ANKS1B: variants seen among roughly 807,000 people sequenced by gnomAD.
ANKS1B encodes ankyrin repeat and sterile alpha motif domain containing 1B, also known as ankyrin repeat and sterile alpha motif domain-containing protein 1B.
ANKS1B carries 36 observed loss-of-function variants against 148.3 expected under a neutral mutation model. The ratio of observed to expected loss-of-function variants is 0.24; its 90% CI spans 0.19 to 0.32. The LOEUF is 0.32. Among genes scored for constraint, ANKS1B ranks in the 10% least tolerant of loss-of-function variants. ANKS1B has a pLI of 1.00. For synonymous variants in ANKS1B, 542 were observed against 560.8 expected (o/e 0.97, Z 0.47); for missense variants, 1,157 against 1,542.6 (o/e 0.75, Z 4.19).
At chr12:99,193,837 T>C (rs2081059882) in intron 14 of ANKS1B, among the ~76,000 whole-genome samples, 1 of 137,148 alleles carries the variant, frequency 7.3e-6, no homozygotes, top group Non-Finnish European at 1.6e-5. Context: ...AGTCTTGCTC[T>C]GTCACCCAGG....
chr12:99,313,580 A>G (rs977015264), intron 12 of ANKS1B, among the ~76,000 whole-genome samples: 2 of 152,114 alleles, frequency 1.3e-5, no homozygotes, highest in Admixed American at 6.6e-5. Flanking sequence ...CGATCAAATC[A>G]GCTTCCTTCC....
At chr12:99,774,384 C>T (rs1270231571) in intron 7 of ANKS1B, among the ~76,000 whole-genome samples, 1 of 152,038 alleles carries the variant, frequency 6.6e-6, no homozygotes, top group Non-Finnish European at 1.5e-5. Flanking sequence ...TGAAAAGGTG[C>T]TCAATATCAC....
At chr12:99,645,354 G>A (rs558882753) in intron 9 of ANKS1B, among the ~76,000 whole-genome samples, 49 of 152,244 alleles carry the variant, frequency 3.2e-4, no homozygotes, top group Non-Finnish European at 6.0e-4. Context: ...GCAGTTATAC[G>A]AATAATATCT....
At chr12:99,708,275 T>C (rs1311342630) in intron 8 of ANKS1B, among the ~76,000 whole-genome samples, 1 of 152,146 alleles carries the variant, frequency 6.6e-6, no homozygotes, top group Non-Finnish European at 1.5e-5. Context: ...GAATGAAGCA[T>C]GAAGGACAAG....
intron 1 of ANKS1B, among the ~76,000 whole-genome samples, chr12:99,952,164 C>T (rs928974335): frequency 7.9e-5 from 12 of 152,088 alleles, no homozygotes; most frequent in African/African-American, 2.9e-4. Flanking sequence ...GGTCACATAA[C>T]CAAGTCCAGA....
At chr12:99,255,577 C>T (rs1222247207) in intron 12 of ANKS1B, among the ~76,000 whole-genome samples, 3 of 152,002 alleles carry the variant, frequency 2.0e-5, no homozygotes, top group Non-Finnish European at 4.4e-5. Context: ...TAGTCTTCAG[C>T]GTTTCTTCTT....
chr12:99,044,163 A>G (rs2099960807), intron 17 of ANKS1B, among the ~76,000 whole-genome samples: 1 of 152,220 alleles, frequency 6.6e-6, no homozygotes, highest in Admixed American at 6.5e-5. Context: ...AAGCTCTTGG[A>G]AGCACAGAGG....
At chr12:99,298,894 C>A (rs2081245360) in intron 12 of ANKS1B, among the ~76,000 whole-genome samples, 1 of 152,110 alleles carries the variant, frequency 6.6e-6, no homozygotes, top group Admixed American at 6.5e-5. Context: ...TGAAATTGTT[C>A]ATTTTCTGTT....
intron 17 of ANKS1B, among the ~76,000 whole-genome samples, chr12:98,835,689 C>T (rs1275104488): frequency 6.6e-6 from 1 of 152,140 alleles, no homozygotes; most frequent in Non-Finnish European, 1.5e-5. Context: ...GCTGTCTCCT[C>T]CATAGAGCTA....
chr12:99,497,814 C>T (rs1406605652), intron 10 of ANKS1B, among the ~76,000 whole-genome samples: 6 of 151,824 alleles, frequency 4.0e-5, no homozygotes, highest in Admixed American at 3.9e-4. Flanking sequence ...GACTTGATCA[C>T]CCCTCAGTCT....
chr12:99,334,396 A>G (rs1431178418), intron 12 of ANKS1B, among the ~76,000 whole-genome samples: 2 of 152,052 alleles, frequency 1.3e-5, no homozygotes, highest in African/African-American at 2.4e-5. Flanking sequence ...CATTTTTGTT[A>G]AGATGCTTAG....
At chr12:99,795,581 C>T (rs1430694041) in intron 4 of ANKS1B, among the ~76,000 whole-genome samples, 2 of 151,912 alleles carry the variant, frequency 1.3e-5, no homozygotes, top group Non-Finnish European at 2.9e-5. Context: ...TAATATGAGG[C>T]TAAATCTAAA....
In ANKS1B at chr12:99,756,750, T is replaced by G. The variant is rs555448436; in HGVS notation, c.1128+16172A>C. 1.1e-4 allele frequency among the ~76,000 whole-genome samples: 16 copies of G among 151,750 alleles called. No homozygotes were observed. In the East Asian group the frequency reaches 1.6e-3, roughly 15 times the overall value. ...AGATACACAGACCAATGGAACAGTA[T>G]AGAGAATTCAGAAATAAGACCACAC... On this transcript the variant is annotated intron_variant, in intron 8 of 26. Coordinates refer to ENST00000683438, the MANE Select transcript of ANKS1B (RefSeq NM_001352186.2).
chr12:99,594,435 A>G (rs529725407), intron 9 of ANKS1B, among the ~76,000 whole-genome samples: 17 of 152,200 alleles, frequency 1.1e-4, no homozygotes, highest in African/African-American at 3.8e-4. Flanking sequence ...ATTCATTAAC[A>G]GCCAAGATGT....
intron 1 of ANKS1B, among the ~76,000 whole-genome samples, chr12:99,944,991 G>A (rs2095025203): frequency 6.6e-6 from 1 of 152,128 alleles, no homozygotes; most frequent in Non-Finnish European, 1.5e-5. Flanking sequence ...CAACTTAGCA[G>A]CTAATTTTAC....
At position 99,713,817 on chromosome 12, in the gene ANKS1B, T is replaced by C. The variant is rs73389921; in HGVS notation, c.1129-58607A>G. Among the ~76,000 whole-genome samples, 1,475 of 152,316 alleles carry C rather than the reference T, an allele frequency of 9.7e-3. 32 individuals carry two copies. The highest frequency in any genetic ancestry group is 0.033 in the African/African-American group (1,388 of 41,566). On this transcript the variant is annotated intron_variant, in intron 8 of 26. Transcript: ENST00000683438. Reference sequence around the variant, plus strand: ...CTGTTCACAGAAATCTAGGCTTTTCTATCATGCTCCTCAACATTCTTCCAG... The same window carrying C: ...CTGTTCACAGAAATCTAGGCTTTTCCATCATGCTCCTCAACATTCTTCCAG...
intron 1 of ANKS1B, among the ~76,000 whole-genome samples, chr12:99,953,103 C>A (rs1664053259): frequency 6.6e-6 from 1 of 151,990 alleles, no homozygotes; most frequent in Admixed American, 6.6e-5. Flanking sequence ...GAAATGGTTT[C>A]TACAACTATC....
chr12:99,601,284 AT>A (rs2097797697), intron 9 of ANKS1B, among the ~76,000 whole-genome samples: 1 of 151,898 alleles, frequency 6.6e-6, no homozygotes, highest in African/African-American at 2.4e-5. Context: ...ACCTGTGTAA[AT>A]TTTTCTAACT....
At chr12:99,200,366 C>G (rs181134150) in intron 14 of ANKS1B, among the ~76,000 whole-genome samples, 1 of 152,292 alleles carries the variant, frequency 6.6e-6, no homozygotes, top group East Asian at 1.9e-4. Flanking sequence ...CATTTTGCAG[C>G]CTTGCCATAA....
Sources: allele counts gnomAD v4.1 joint callset (sites outside exome capture counted in the v4.1 genomes callset), GRCh38; gene constraint gnomAD v4.1.1; transcripts MANE v1.5; gene names NCBI Gene and HGNC (gene_info 2026-07-23, HGNC 2026-07-21).